CTNNA2: variants seen among roughly 807,000 people sequenced by gnomAD.
CTNNA2 encodes catenin alpha-2.
CTNNA2 carries 42 observed loss-of-function variants against 101.0 expected under a neutral mutation model. The ratio of observed to expected loss-of-function variants is 0.42; its 90% CI spans 0.32 to 0.54. The LOEUF (loss-of-function observed/expected upper bound fraction) is 0.54. CTNNA2 is among the 20% of genes least tolerant of loss of function. The pLI is 0.14. For missense variants in CTNNA2, 871 were observed against 1,223.1 expected (o/e 0.71, Z 4.29); for synonymous variants, 450 against 456.4 (o/e 0.99, Z 0.18).
intron 4 of CTNNA2, among the ~76,000 whole-genome samples, chr2:79,492,439 G>A (rs1033177574): frequency 6.6e-6 from 1 of 151,856 alleles, no homozygotes; most frequent in Admixed American, 6.6e-5. Context: ...CAAACATATA[G>A]AATGTATAAT....
chr2:79,456,502 C>T (rs1433119668), intron 4 of CTNNA2, among the ~76,000 whole-genome samples: 1 of 152,162 alleles, frequency 6.6e-6, no homozygotes, highest in Non-Finnish European at 1.5e-5. Context: ...AATTACATCT[C>T]ATTTGGTGCT....
At chr2:80,328,231 T>C (rs1171875908) in intron 7 of CTNNA2, 5 of 468,670 alleles carry the variant, frequency 1.1e-5, no homozygotes, top group African/African-American at 1.0e-4. Context: ...TTATCTGTCT[T>C]TGTCAGGGAA....
rs74864038 is a variant in CTNNA2, at chr2:80,173,606, G to A, written c.1057-219605G>A. 2.6e-5 allele frequency among the ~76,000 whole-genome samples: 4 copies of A among 152,324 alleles called. No individual in the cohort carries two copies. In the South Asian group the frequency reaches 6.2e-4, roughly 24 times the overall value. ...TTCAGACTTCACTGGAGAAGGTATA[G>A]TTTCCTCGCACTGGATGGTAAACAC... On this transcript the variant is annotated intron_variant, in intron 7 of 18. Coordinates refer to ENST00000402739, the MANE Select transcript of CTNNA2 (RefSeq NM_001282597.3).
At chr2:80,507,484 A>G (rs1336307008) in intron 9 of CTNNA2, among the ~76,000 whole-genome samples, 1 of 152,180 alleles carries the variant, frequency 6.6e-6, no homozygotes, top group East Asian at 1.9e-4. Flanking sequence ...TCTATGACAC[A>G]TTTACTAATC....
chr2:79,323,528 C>G (rs781268595), intron 3 of CTNNA2, among the ~76,000 whole-genome samples: 17 of 149,972 alleles, frequency 1.1e-4, no homozygotes, highest in Non-Finnish European at 2.2e-4. Context: ...ATACTTTCTT[C>G]AAAAAAAAAT....
chr2:79,568,970 G>A (rs751076747), intron 1 of CTNNA2, among the ~76,000 whole-genome samples: 2 of 151,584 alleles, frequency 1.3e-5, no homozygotes, highest in Non-Finnish European at 2.9e-5. Flanking sequence ...GGAAGTAAAG[G>A]TTGCAGTGAG....
At chr2:79,843,136 T>C (rs1679955315) in intron 3 of CTNNA2, among the ~76,000 whole-genome samples, 1 of 152,234 alleles carries the variant, frequency 6.6e-6, no homozygotes, top group South Asian at 2.1e-4. Context: ...ATGGTTTCAT[T>C]CACTGGTTTT....
At chr2:80,427,447 G>A (rs2149419825) in intron 9 of CTNNA2, among the ~76,000 whole-genome samples, 1 of 152,268 alleles carries the variant, frequency 6.6e-6, no homozygotes, top group Non-Finnish European at 1.5e-5. Flanking sequence ...TTCCTTTCCT[G>A]TCCTCTGCCT....
At chr2:80,519,428 T>C (rs112940777) in intron 9 of CTNNA2, among the ~76,000 whole-genome samples, 18 of 152,264 alleles carry the variant, frequency 1.2e-4, no homozygotes, top group African/African-American at 3.8e-4. Context: ...GAGAGCATCT[T>C]TGAAAAAAAA....
chr2:80,336,664 T>C (rs1671789633), intron 7 of CTNNA2, among the ~76,000 whole-genome samples: 1 of 152,222 alleles, frequency 6.6e-6, no homozygotes, highest in Non-Finnish European at 1.5e-5. Context: ...CAAAACATGC[T>C]ACATTTTACT....
At chr2:79,541,853 T>C (rs1326197302) in intron 1 of CTNNA2, among the ~76,000 whole-genome samples, 2 of 151,632 alleles carry the variant, frequency 1.3e-5, no homozygotes, top group Non-Finnish European at 2.9e-5. Flanking sequence ...TGTCGATCTC[T>C]TGACCTCGTG....
intron 4 of CTNNA2, among the ~76,000 whole-genome samples, chr2:79,430,119 G>T (rs1678640852): frequency 6.6e-6 from 1 of 152,098 alleles, no homozygotes; most frequent in East Asian, 1.9e-4. Flanking sequence ...AAAATCTCAA[G>T]CTCCAAGCCT....
intron 3 of CTNNA2, among the ~76,000 whole-genome samples, chr2:79,797,793 G>T (rs151317287): frequency 1.9e-4 from 29 of 151,792 alleles, no homozygotes; most frequent in Admixed American, 1.7e-3. Context: ...CATTAAATAT[G>T]TTCCAGTTTC....
At chr2:79,552,284 A>T (rs543313497) in intron 1 of CTNNA2, among the ~76,000 whole-genome samples, 1 of 152,190 alleles carries the variant, frequency 6.6e-6, no homozygotes, top group Admixed American at 6.5e-5. Context: ...AAAAGCTCCA[A>T]AGTAATCTCC....
intron 2 of CTNNA2, among the ~76,000 whole-genome samples, chr2:79,203,591 G>T (rs1396713983): frequency 6.6e-6 from 1 of 152,180 alleles, no homozygotes; most frequent in Non-Finnish European, 1.5e-5. Flanking sequence ...GGAACCCACT[G>T]CCCAGAAGCA....
At position 79,848,620 on chromosome 2, in the gene CTNNA2, C is replaced by T. The variant is rs141590139; in HGVS notation, c.299-9393C>T. Among the ~76,000 whole-genome samples, 897 of 152,260 alleles carry T rather than the reference C, an allele frequency of 5.9e-3. 8 individuals are homozygous for T. The highest frequency in any genetic ancestry group is 8.5e-3 in the Non-Finnish European group (581 of 68,028). On this transcript the variant is annotated intron_variant, in intron 3 of 18. Transcript: ENST00000402739. Reference sequence around the variant, plus strand: ...ATGATCTGTGCCTTCTGCAAGGTGGCGCATTACTGTCTCTAACGATGTTTA... The same window carrying T: ...ATGATCTGTGCCTTCTGCAAGGTGGTGCATTACTGTCTCTAACGATGTTTA...
At chr2:79,562,822 A>G (rs946819902) in intron 1 of CTNNA2, among the ~76,000 whole-genome samples, 4 of 151,926 alleles carry the variant, frequency 2.6e-5, no homozygotes, top group African/African-American at 9.7e-5. Context: ...ATACATCTAG[A>G]TAAATTGGAG....
intron 7 of CTNNA2, among the ~76,000 whole-genome samples, chr2:80,324,042 GA>G (rs1452735831): frequency 6.6e-6 from 1 of 152,048 alleles, no homozygotes; most frequent in Non-Finnish European, 1.5e-5. Context: ...CATCAAGAGA[GA>G]AAAAAACAAA....
At chr2:80,085,243 T>C (rs28507932) in intron 7 of CTNNA2, among the ~76,000 whole-genome samples, 70 of 152,208 alleles carry the variant, frequency 4.6e-4, no homozygotes, top group African/African-American at 1.5e-3. Flanking sequence ...TGTAGTCTTA[T>C]GTCCTCAACT....
Sources: gnomAD v4.1 joint callset for allele counts (sites outside exome capture counted in the v4.1 genomes callset) on GRCh38, gnomAD v4.1.1 for gene constraint, MANE v1.5 for transcripts, NCBI Gene and HGNC (gene_info 2026-07-23, HGNC 2026-07-21) for gene names.